Variants in RBFOX1 observed in about 807,000 individuals in gnomAD.
The protein encoded by RBFOX1 is RNA binding fox-1 homolog 1.
Under a neutral mutation model 57.7 loss-of-function variants are expected in RBFOX1, and 8 were observed. That is an observed-to-expected ratio of 0.14 (90% CI 0.08 to 0.25). RBFOX1 has a LOEUF of 0.25. Ranked by LOEUF, RBFOX1 falls within the 10% of genes least tolerant of loss-of-function variation. RBFOX1 has a pLI of 1.00. For synonymous variants in RBFOX1, 326 were observed against 222.4 expected (o/e 1.47, Z -4.15); for missense variants, 611 against 548.5 (o/e 1.11, Z -1.14).
chr16:6,621,232 C>T (rs1489194401), intron 2 of RBFOX1, among the ~76,000 whole-genome samples: 2 of 152,148 alleles, frequency 1.3e-5, no homozygotes, highest in Non-Finnish European at 2.9e-5. Context: ...GAGGCCTAGG[C>T]CGGCGGATCA....
intron 4 of RBFOX1, among the ~76,000 whole-genome samples, chr16:7,121,956 T>C (rs1272730032): frequency 6.6e-6 from 1 of 152,010 alleles, no homozygotes; most frequent in Non-Finnish European, 1.5e-5. Context: ...GGTGTTGGAA[T>C]AATTGCAAAC....
intron 4 of RBFOX1, among the ~76,000 whole-genome samples, chr16:5,957,169 T>A (rs992102600): frequency 6.6e-6 from 1 of 152,196 alleles, no homozygotes; most frequent in Non-Finnish European, 1.5e-5. Context: ...TCTTAGGTGA[T>A]TGATATGCTA....
At chr16:7,202,197 A>G (rs539130450) in intron 4 of RBFOX1, among the ~76,000 whole-genome samples, 1 of 152,172 alleles carries the variant, frequency 6.6e-6, no homozygotes, top group Non-Finnish European at 1.5e-5. Flanking sequence ...AATGGCCAAT[A>G]AGCACATGAA....
At chr16:7,500,500 C>T (rs780976875) in intron 4 of RBFOX1, among the ~76,000 whole-genome samples, 9 of 152,122 alleles carry the variant, frequency 5.9e-5, no homozygotes, top group East Asian at 1.9e-4. Flanking sequence ...ATGGAGGAAA[C>T]GTAGATATGC....
At chr16:6,694,413 A>C (rs952197923) in intron 3 of RBFOX1, among the ~76,000 whole-genome samples, 1 of 152,236 alleles carries the variant, frequency 6.6e-6, no homozygotes, top group Non-Finnish European at 1.5e-5. Flanking sequence ...AGAAGAAAAA[A>C]CTGGTTGGTC....
chr16:7,682,046 C>G (rs1170207779), intron 14 of RBFOX1, among the ~76,000 whole-genome samples: 1 of 152,146 alleles, frequency 6.6e-6, no homozygotes, highest in Non-Finnish European at 1.5e-5. Context: ...GGAAGAACAC[C>G]AACCATGTAA....
At chr16:5,342,099 G>C (rs1292230124) in intron 1 of RBFOX1, among the ~76,000 whole-genome samples, 2 of 152,224 alleles carry the variant, frequency 1.3e-5, no homozygotes, top group East Asian at 3.8e-4. Flanking sequence ...GTTTGCGGCA[G>C]ATCGTACCTG....
chr16:5,842,789 A>C (rs939572884), intron 3 of RBFOX1, among the ~76,000 whole-genome samples: 2 of 151,970 alleles, frequency 1.3e-5, no homozygotes, highest in African/African-American at 4.8e-5. Flanking sequence ...AATCGCTTTG[A>C]CCACATTACT....
intron 2 of RBFOX1, among the ~76,000 whole-genome samples, chr16:6,625,647 G>A (rs1056358127): frequency 6.9e-6 from 1 of 145,142 alleles, no homozygotes; most frequent in African/African-American, 2.5e-5. Flanking sequence ...GTTCCCCACC[G>A]CCCCCGCCCC....
chr16:6,001,563 GTAAT>G (rs1329988570), intron 4 of RBFOX1, among the ~76,000 whole-genome samples: 3 of 152,096 alleles, frequency 2.0e-5, no homozygotes, highest in African/African-American at 7.2e-5. Flanking sequence ...AGATAAGTGC[GTAAT>G]TAAATATATA....
chr16:6,486,640 T>C (rs968154880), intron 2 of RBFOX1, among the ~76,000 whole-genome samples: 2 of 147,830 alleles, frequency 1.4e-5, no homozygotes, highest in Admixed American at 6.9e-5. Context: ...AGGAAAAAGC[T>C]TGAACCCTTA....
At chr16:7,262,344 T>A (rs928861015) in intron 4 of RBFOX1, among the ~76,000 whole-genome samples, 1 of 151,918 alleles carries the variant, frequency 6.6e-6, no homozygotes, top group Admixed American at 6.6e-5. Flanking sequence ...GGAAAACCAA[T>A]CATGTACTTT....
chr16:6,634,950 T>C (rs1372299963), intron 2 of RBFOX1, among the ~76,000 whole-genome samples: 1 of 141,064 alleles, frequency 7.1e-6, no homozygotes, highest in Non-Finnish European at 1.5e-5. Flanking sequence ...AGTAATTTAG[T>C]TTATAATTAT....
At chr16:6,752,933 T>C (rs867360452) in intron 3 of RBFOX1, among the ~76,000 whole-genome samples, 1 of 152,068 alleles carries the variant, frequency 6.6e-6, no homozygotes, top group Non-Finnish European at 1.5e-5. Flanking sequence ...GTTTATACGG[T>C]GTGAATATGT....
intron 3 of RBFOX1, among the ~76,000 whole-genome samples, chr16:7,014,413 T>C (rs2093803541): frequency 6.6e-6 from 1 of 151,734 alleles, no homozygotes. Flanking sequence ...TTATTTTATT[T>C]TATTTTTTTT....
intron 2 of RBFOX1, among the ~76,000 whole-genome samples, chr16:5,592,542 C>T (rs182844135): frequency 2.0e-5 from 3 of 152,046 alleles, no homozygotes; most frequent in East Asian, 1.9e-4. Context: ...TCAGCCTCCC[C>T]GGTAGCTGGG....
chr16:7,445,680 C>T (rs2098802376), intron 4 of RBFOX1, among the ~76,000 whole-genome samples: 1 of 152,176 alleles, frequency 6.6e-6, no homozygotes, highest in African/African-American at 2.4e-5. Context: ...CATGGTACCA[C>T]AGTTTTTGTT....
intron 4 of RBFOX1, among the ~76,000 whole-genome samples, chr16:7,247,222 G>C (rs1452061551): frequency 6.6e-6 from 1 of 152,146 alleles, no homozygotes; most frequent in African/African-American, 2.4e-5. Context: ...TGAAGGAGAA[G>C]TGCAAGAGAA....
intron 4 of RBFOX1, among the ~76,000 whole-genome samples, chr16:7,267,070 G>T (rs966350810): frequency 2.0e-5 from 3 of 152,192 alleles, no homozygotes; most frequent in Non-Finnish European, 4.4e-5. Context: ...GAGTCGAAGT[G>T]GGGGACAGTA....
Sources: allele counts gnomAD v4.1 joint callset (sites outside exome capture counted in the v4.1 genomes callset), GRCh38; gene constraint gnomAD v4.1.1; transcripts MANE v1.5; gene names NCBI Gene and HGNC (gene_info 2026-07-23, HGNC 2026-07-21).